EVL: variants seen among roughly 807,000 people sequenced by gnomAD.
EVL encodes the protein ena/VASP-like protein.
Under a neutral mutation model 59.6 loss-of-function variants are expected in EVL, and 21 were observed. The observed-to-expected ratio is 0.35, with a 90% CI of 0.25 to 0.51. The LOEUF is 0.51. EVL is among the 20% of genes least tolerant of loss of function. EVL has a pLI of 0.97. For synonymous variants in EVL, 198 were observed against 203.5 expected (o/e 0.97, Z 0.23); for missense variants, 462 against 546.6 (o/e 0.85, Z 1.54).
chr14:100,119,187 T>C (rs1358654453), intron 3 of EVL, among the ~76,000 whole-genome samples: 1 of 152,250 alleles, frequency 6.6e-6, no homozygotes, highest in Admixed American at 6.5e-5. Flanking sequence ...TGTGGCATGA[T>C]GGGTTCTTTT....
rs1164876045 is a variant in EVL, at chr14:100,137,802, G to A, written c.1094G>A (p.Arg365Lys). The A allele has an allele frequency of 6.2e-7, 1 of 1,613,950 alleles. No homozygotes were observed. The highest frequency in any genetic ancestry group is 1.3e-5 in the African/African-American group (1 of 74,940). The change falls in exon 11 of 14, where the codon AGG becomes AAG. Residue 365 changes from arginine to lysine, a missense_variant and splice_region_variant. Coordinates refer to ENST00000392920, the MANE Select transcript of EVL (RefSeq NM_016337.3). ...KSPLQSQPHS[R>K]MKPAGSVNDM... ...CCCCTTCAGTCGCAGCCTCACTCTA[G>A]GTACCGAACAACCCTCCTGCTCACA...
rs755798736 is a variant in EVL, at chr14:100,128,678, G to C, written c.647G>C (p.Ser216Thr). Reference sequence around the variant, plus strand: ...CCAGCCGGAGGAGCCCAGGGGTCCAGCCACGACGAGAGCTCCATGTCAGGA... The same window carrying C: ...CCAGCCGGAGGAGCCCAGGGGTCCACCCACGACGAGAGCTCCATGTCAGGA... Reference protein sequence around the residue: ...PLPAGGAQGSSHDESSMSGLA... With the variant: ...PLPAGGAQGSTHDESSMSGLA... The change falls in exon 6 of 14, where the codon AGC (serine) becomes ACC (threonine). Residue 216 changes from serine (S) to threonine (T), a missense_variant. Transcript: ENST00000392920. 22 of 1,588,842 alleles carry C rather than the reference G, an allele frequency of 1.4e-5. No individual in the cohort carries two copies. The African/African-American group carries it at 2.6e-4, about 19-fold the overall frequency.
intron 1 of EVL, among the ~76,000 whole-genome samples, chr14:100,044,444 A>G (rs2061517410): frequency 6.6e-6 from 1 of 152,224 alleles, no homozygotes; most frequent in Non-Finnish European, 1.5e-5. Context: ...AGAATTACAT[A>G]TTAAAACTGG....
At chr14:100,101,757 A>C (rs1886237185) in intron 3 of EVL, among the ~76,000 whole-genome samples, 2 of 152,268 alleles carry the variant, frequency 1.3e-5, no homozygotes, top group Admixed American at 6.5e-5. Flanking sequence ...CCCACTCCTC[A>C]GACTTCATAA....
chr14:100,074,714 T>TCTCTCTG (rs2062124058), intron 1 of EVL: 1 of 152,514 alleles, frequency 6.6e-6, no homozygotes, highest in Non-Finnish European at 1.5e-5. Context: ...TAAAGTACTC[T>TCTCTCTG]CTCTCTGTCT....
Position 100,108,682 on chromosome 14 carries a change from C to G in EVL, c.358+11024C>G, listed in dbSNP as rs1355371161. Among the ~76,000 whole-genome samples the G allele has an allele frequency of 6.6e-6, 1 of 152,194 alleles. No homozygotes were observed. Among genetic ancestry groups the G allele is most frequent in the Non-Finnish European group, 1.5e-5 (1 of 68,032 alleles). The stretch of plus-strand genomic sequence containing the variant: ...GCCCCTGGCCCTTCTTCCCCTCTCA[C>G]TTTTCCCCACACTTCTAAAATCTCA... On this transcript the variant is annotated intron_variant, in intron 3 of 13. Coordinates refer to ENST00000392920, the MANE Select transcript of EVL (RefSeq NM_016337.3). The surrounding 1 kb of genome is among the most constrained non-coding windows in gnomAD (Gnocchi z 4.1).
intron 1 of EVL, among the ~76,000 whole-genome samples, chr14:100,037,214 C>G (rs2061401679): frequency 6.6e-6 from 1 of 152,204 alleles, no homozygotes; most frequent in South Asian, 2.1e-4. Context: ...AAGACCACAT[C>G]TGAAGGGCAG....
At position 100,094,580 on chromosome 14, in the gene EVL, T is replaced by TA. The variant is rs936590612; in HGVS notation, c.181-2888dup. 3.9e-3 allele frequency among the ~76,000 whole-genome samples: 554 copies of TA among 142,488 alleles called. 2 individuals carry two copies. Among genetic ancestry groups the TA allele is most frequent in the Admixed American group, 7.3e-3 (104 of 14,252 alleles). 93.5% of individuals were successfully genotyped at this position (142,488 alleles called of 152,430 possible). A position where few individuals can be genotyped will look rare whatever the true frequency, so the allele number is the denominator to read the frequency against. On this transcript the variant is annotated intron_variant, in intron 2 of 13. Transcript: ENST00000392920. ...ACATGGTGAAACCCTGACTCTACTT[T>TA]AAAAAAAAAAAAATTGGATGGGGCA...
At chr14:100,044,478 A>G (rs1463792753) in intron 1 of EVL, among the ~76,000 whole-genome samples, 2 of 152,220 alleles carry the variant, frequency 1.3e-5, no homozygotes, top group African/African-American at 2.4e-5. Flanking sequence ...ACCAAAGGCT[A>G]TAGGAGAGCA....
chr14:100,136,685 C>T (rs952643269), intron 9 of EVL, among the ~76,000 whole-genome samples: 2 of 152,260 alleles, frequency 1.3e-5, no homozygotes, highest in Middle Eastern at 3.4e-3. Context: ...TGGGTGTCGC[C>T]TCCCTGTGAA....
intron 1 of EVL, among the ~76,000 whole-genome samples, chr14:99,993,685 C>CTTTTTTTTTTT (rs532512303): frequency 5.0e-4 from 39 of 78,264 alleles, no homozygotes; most frequent in African/African-American, 1.3e-3. Context: ...TTCTTTCTTT[C>CTTTTTTTTTTT]TTTTTTTTTT....
intron 1 of EVL, among the ~76,000 whole-genome samples, chr14:100,067,315 A>G (rs1386972592): frequency 2.6e-5 from 4 of 152,204 alleles, no homozygotes; most frequent in Non-Finnish European, 5.9e-5. Context: ...TTAAATGTGA[A>G]AATATATCTT....
intron 1 of EVL, among the ~76,000 whole-genome samples, chr14:100,038,196 C>T (rs1424228450): frequency 1.3e-5 from 2 of 152,150 alleles, no homozygotes; most frequent in Non-Finnish European, 2.9e-5. Context: ...TAAAGCACCA[C>T]GTTGGCCATG....
intron 1 of EVL, among the ~76,000 whole-genome samples, chr14:100,068,897 T>C (rs61984502): frequency 0.13 from 19,364 of 152,130 alleles, 1,609 homozygotes; most frequent in African/African-American, 0.23. Context: ...GATATGGATG[T>C]GTGATATGTC....
rs187396009 is a variant in EVL at position 100,012,380 on chromosome 14, C to A, written c.5+40323C>A. 2.0e-5 allele frequency among the ~76,000 whole-genome samples: 3 copies of A among 152,232 alleles called. No individual in the cohort carries two copies. The East Asian group carries it at 5.8e-4, about 29-fold the overall frequency. Reference sequence around the variant, plus strand: ...CATGGCAGGTGCTCAGTATATATTTCTTTATTGAATGTATGTATTTGCTTT... The same window carrying A: ...CATGGCAGGTGCTCAGTATATATTTATTTATTGAATGTATGTATTTGCTTT... On this transcript the variant is annotated intron_variant, in intron 1 of 13. Transcript: ENST00000402714.
chr14:100,038,131 C>T (rs968542501), intron 1 of EVL, among the ~76,000 whole-genome samples: 11 of 152,116 alleles, frequency 7.2e-5, no homozygotes, highest in African/African-American at 1.9e-4. Context: ...ATACTGTAGA[C>T]GGAGAGCTGC....
chr14:100,081,620 C>G (rs1185257709), intron 1 of EVL, among the ~76,000 whole-genome samples: 1 of 151,946 alleles, frequency 6.6e-6, no homozygotes, highest in East Asian at 1.9e-4. Flanking sequence ...TATGCCATCT[C>G]TGTAACTCCC....
chr14:100,014,490 C>T (rs2061037318), intron 1 of EVL, among the ~76,000 whole-genome samples: 1 of 152,170 alleles, frequency 6.6e-6, no homozygotes, highest in Non-Finnish European at 1.5e-5. Flanking sequence ...GAATAGTACT[C>T]CACTGTGTAT....
chr14:99,988,726 A>G (rs1453823152), intron 1 of EVL, among the ~76,000 whole-genome samples: 2 of 152,254 alleles, frequency 1.3e-5, no homozygotes, highest in African/African-American at 4.8e-5. Flanking sequence ...TGGTATATCC[A>G]TACAGTGCAA....
Sources: allele counts gnomAD v4.1 joint callset (sites outside exome capture counted in the v4.1 genomes callset), GRCh38; gene constraint gnomAD v4.1.1; non-coding constraint Gnocchi (gnomAD v3.1); transcripts MANE v1.5; gene names NCBI Gene and HGNC (gene_info 2026-07-23, HGNC 2026-07-21).